The following MARCOL variants were observed in gnomAD, a reference collection of about 807,000 sequenced individuals.
The protein encoded by MARCOL is MARCO-like protein.
intron 1 of MARCOL, among the ~76,000 whole-genome samples, chr5:148,239,776 A>G (rs756797164): frequency 6.6e-6 from 1 of 151,966 alleles, no homozygotes; most frequent in Admixed American, 6.6e-5. Context: ...GTATTTCATG[A>G]TGGCAGGTAC....
intron 1 of MARCOL, 21 bp downstream of exon 1, chr5:148,238,667 A>T (rs1755932096): frequency 2.5e-6 from 1 of 398,036 alleles, no homozygotes; most frequent in Non-Finnish European, 4.4e-6. Context: ...CACAGTCAAT[A>T]GCTTTCCTTC....
intron 1 of MARCOL, among the ~76,000 whole-genome samples, chr5:148,239,792 C>T (rs1755944974): frequency 6.6e-6 from 1 of 151,792 alleles, no homozygotes; most frequent in African/African-American, 2.4e-5. Context: ...GGTACTGTAA[C>T]TGTTGTGACC....
chr5:148,240,973 T>C (rs1265492901), intron 1 of MARCOL, among the ~76,000 whole-genome samples: 2 of 152,032 alleles, frequency 1.3e-5, no homozygotes, highest in African/African-American at 2.4e-5. Context: ...TTTGCCCCAC[T>C]ACTAGACTTC....
intron 1 of MARCOL, among the ~76,000 whole-genome samples, chr5:148,240,857 A>G (rs575291179): frequency 1.3e-5 from 2 of 151,980 alleles, no homozygotes; most frequent in African/African-American, 2.4e-5. Context: ...CTCCAGGAAG[A>G]AAAAAGGATT....
chr5:148,238,569 C>T lies in MARCOL; in HGVS notation c.-29C>T. The T allele has an allele frequency of 2.5e-6, 1 of 398,014 alleles. No individual in the cohort carries two copies. The highest frequency in any genetic ancestry group is 4.4e-6 in the Non-Finnish European group (1 of 225,290). The allele number at this position is 398,014 out of a possible 1,614,324, so 24.7% of individuals were successfully genotyped here. ...CAGAGTTAGGCTTAACTCCACCCAA[C>T]AGCCAAGTCTGAAACCACTGACGGT... On this transcript the variant is annotated 5_prime_UTR_variant, in exon 1 of 2. Coordinates refer to ENST00000638089, the MANE Select transcript of MARCOL (RefSeq NM_001363511.2).
chr5:148,242,967 C>A lies in MARCOL; in HGVS notation c.571C>A (p.Leu191Ile). The A allele has an allele frequency of 2.5e-6, 1 of 399,190 alleles. No homozygotes were observed. The highest frequency in any genetic ancestry group is 4.4e-6 in the Non-Finnish European group (1 of 226,318). 24.7% of individuals were successfully genotyped at this position (399,190 alleles called of 1,614,324 possible). A position where few individuals can be genotyped will look rare whatever the true frequency, so the allele number is the denominator to read the frequency against. ...GAAAGGGAATTTAGGATCTTCTAGCCTACAAGGGCATCTGGGTTTATCTAG... is the reference window on the plus strand; with the variant it reads ...GAAAGGGAATTTAGGATCTTCTAGCATACAAGGGCATCTGGGTTTATCTAG... ...TQKGNLGSSS[L>I]QGHLGLSSHQ... Residue 191 changes from leucine (L) to isoleucine (I), a missense_variant, in exon 2 of 2, where the codon CTA becomes ATA. By Grantham distance (5) the Leu-to-Ile change is conservative. Transcript: ENST00000638089.
intron 1 of MARCOL, among the ~76,000 whole-genome samples, chr5:148,241,803 A>C (rs747062413): frequency 2.0e-5 from 3 of 152,144 alleles, no homozygotes; most frequent in Non-Finnish European, 4.4e-5. Flanking sequence ...CCAAAATAGA[A>C]AGAAGAAATA....
At chr5:148,240,789 A>T (rs1057284652) in intron 1 of MARCOL, among the ~76,000 whole-genome samples, 7 of 152,014 alleles carry the variant, frequency 4.6e-5, no homozygotes, top group South Asian at 4.1e-4. Flanking sequence ...AGCTAAAAAA[A>T]AATATTTTTT....
intron 1 of MARCOL, among the ~76,000 whole-genome samples, chr5:148,241,532 A>G (rs1755965581): frequency 6.6e-6 from 1 of 151,332 alleles, no homozygotes. Context: ...ACCAAAAAAA[A>G]AAAAAAAAAA....
rs1755985938 is a variant in MARCOL at position 148,243,047 on chromosome 5, C to A, written c.651C>A (p.Ser217Arg). Reference protein sequence around the residue: ...SGQQGKPGSSSQQGNLGTSGQ... With the variant: ...SGQQGKPGSSRQQGNLGTSGQ... ...AACAGGGGAAGCCAGGGTCATCTAGCCAACAAGGAAATCTAGGAACTTCTG... is the reference window on the plus strand; with the variant it reads ...AACAGGGGAAGCCAGGGTCATCTAGACAACAAGGAAATCTAGGAACTTCTG... The change falls in exon 2 of 2, where the codon AGC (serine) becomes AGA (arginine). Residue 217 changes from serine (S) to arginine (R), a missense_variant. By Grantham distance (110) the Ser-to-Arg change is moderately radical. Coordinates refer to ENST00000638089, the MANE Select transcript of MARCOL (RefSeq NM_001363511.2). 2.5e-6 allele frequency: 1 copy of A among 397,650 alleles called. No homozygotes were observed. The highest frequency in any genetic ancestry group is 4.4e-6 in the Non-Finnish European group (1 of 225,300). The allele number at this position is 397,650 out of a possible 1,614,324, so 24.6% of individuals were successfully genotyped here. A position where few individuals can be genotyped will look rare whatever the true frequency, so the allele number is the denominator to read the frequency against.
chr5:148,242,629 A>G lies in MARCOL; in HGVS notation c.233A>G (p.Tyr78Cys). Residue 78 changes from tyrosine to cysteine, a missense_variant, in exon 2 of 2, where the codon TAT (tyrosine) becomes TGT (cysteine). Tyr to Cys is a radical substitution (Grantham distance 194). Transcript: ENST00000638089. ...GTFRLQGQPGYFNKLEKPRHF... is the reference protein window; with the variant it reads ...GTFRLQGQPGCFNKLEKPRHF... The stretch of plus-strand genomic sequence containing the variant: ...TTTAGGCTTCAAGGACAACCAGGCT[A>G]TTTTAACAAGCTAGAGAAACCAAGA... 2 of 398,414 alleles carry G rather than the reference A, an allele frequency of 5.0e-6. No homozygotes were observed. Among genetic ancestry groups the G allele is most frequent in the Non-Finnish European group, 8.9e-6 (2 of 225,944 alleles). The allele number at this position is 398,414 out of a possible 1,614,324, so 24.7% of individuals were successfully genotyped here.
chr5:148,241,366 A>C (rs750619919), intron 1 of MARCOL, among the ~76,000 whole-genome samples: 14 of 140,486 alleles, frequency 1.0e-4, no homozygotes, highest in Admixed American at 3.1e-4. Flanking sequence ...GAATGATTTA[A>C]AATTGCGTAT....
In MARCOL at chr5:148,243,002, G is replaced by C; in HGVS notation, c.606G>C (p.Gly202=). The change falls in exon 2 of 2, where the codon GGG becomes GGC. Residue 202 remains glycine (G), a synonymous_variant. Transcript: ENST00000638089. ...ATCTGGGTTTATCTAGCCATCAAGG[G>C]AAGCCAGAGTCATCTGGCCAACAGG... ...QGHLGLSSHQ[G]KPESSGQQGK... 2.5e-6 allele frequency: 1 copy of C among 398,746 alleles called. No individual in the cohort carries two copies. The allele number at this position is 398,746 out of a possible 1,614,324, so 24.7% of individuals were successfully genotyped here.
intron 1 of MARCOL, among the ~76,000 whole-genome samples, chr5:148,240,538 C>T (rs145992482): frequency 4.9e-4 from 74 of 151,586 alleles, no homozygotes; most frequent in African/African-American, 1.7e-3. Context: ...GGGGTACAGA[C>T]AGGAAAGAAA....
chr5:148,241,451 C>T (rs75172343), intron 1 of MARCOL, among the ~76,000 whole-genome samples: 3,150 of 143,112 alleles, frequency 0.022, 133 homozygotes, highest in African/African-American at 0.079. Flanking sequence ...GAGAACCCCA[C>T]ATTAGGAAAG....
At chr5:148,241,521 T>G (rs1158114242) in intron 1 of MARCOL, among the ~76,000 whole-genome samples, 2 of 46,670 alleles carry the variant, frequency 4.3e-5, no homozygotes, top group African/African-American at 1.5e-4. Context: ...TATACACTTC[T>G]ACCAAAAAAA....
chr5:148,241,706 G>A (rs1755968078), intron 1 of MARCOL, among the ~76,000 whole-genome samples: 1 of 151,954 alleles, frequency 6.6e-6, no homozygotes. Context: ...TAGGGCATAG[G>A]TGGGCTTCCA....
In MARCOL at chr5:148,241,762, G is replaced by A. The variant is rs151145490; in HGVS notation, c.50-684G>A. On this transcript the variant is annotated intron_variant, in intron 1 of 1. Transcript: ENST00000638089. ...AAAACACAGGGTTTAAGAAATAATCGTGATATTTACCATTCTCTTGAGCAA... is the reference window on the plus strand; with the variant it reads ...AAAACACAGGGTTTAAGAAATAATCATGATATTTACCATTCTCTTGAGCAA... 3.0e-3 allele frequency among the ~76,000 whole-genome samples: 451 copies of A among 152,126 alleles called. 2 individuals are homozygous for A. Among genetic ancestry groups the A allele is most frequent in the African/African-American group, 0.01 (430 of 41,518 alleles).
chr5:148,238,871 C>T (rs10042764), intron 1 of MARCOL, among the ~76,000 whole-genome samples: 143,146 of 152,116 alleles, frequency 0.94, 67,389 homozygotes, highest in African/African-American at 0.97. Flanking sequence ...TGAAGAGAAA[C>T]AGATACAAGG....
Sources: gnomAD v4.1 joint callset for allele counts (sites outside exome capture counted in the v4.1 genomes callset) on GRCh38, gnomAD v4.1.1 for gene constraint, MANE v1.5 for transcripts, NCBI Gene and HGNC (gene_info 2026-07-23, HGNC 2026-07-21) for gene names.